The following SYNE1 variants were observed in gnomAD, a reference collection of about 807,000 sequenced individuals.
SYNE1 encodes nesprin-1.
In SYNE1, 616 loss-of-function variants were observed where a neutral mutation model predicts 1,111.0. The observed-to-expected ratio is 0.55, with a 90% CI of 0.52 to 0.59. The LOEUF (loss-of-function observed/expected upper bound fraction) is 0.59, where lower values mean the gene tolerates loss of function less well. Ranked by LOEUF, SYNE1 falls within the 20% of genes least tolerant of loss-of-function variation. SYNE1 has a pLI of 0.00. For missense variants in SYNE1, 10,006 were observed against 10,417.0 expected (o/e 0.96, Z 1.72); for synonymous variants, 3,855 against 3,825.8 (o/e 1.01, Z -0.28).
chr6:152,358,984 G>C (rs2096885927), intron 65 of SYNE1, among the ~76,000 whole-genome samples: 1 of 152,176 alleles, frequency 6.6e-6, no homozygotes, highest in South Asian at 2.1e-4. Flanking sequence ...AATACTATCA[G>C]TGATTATTTC....
intron 135 of SYNE1, among the ~76,000 whole-genome samples, chr6:152,150,671 A>T (rs887143848): frequency 3.9e-5 from 6 of 152,224 alleles, no homozygotes; most frequent in Admixed American, 6.5e-5. Flanking sequence ...TCAATTTGTT[A>T]AATACTCCCA....
At chr6:152,399,861 C>A (rs375102408) in intron 47 of SYNE1, 38 bp from the exon 48 acceptor site, 1 of 1,589,634 alleles carries the variant, frequency 6.3e-7, no homozygotes, top group Non-Finnish European at 8.6e-7. Flanking sequence ...ATATTCATAA[C>A]TTGAGAGAAA....
chr6:152,137,739 T>C (rs969147318), intron 140 of SYNE1, among the ~76,000 whole-genome samples: 1 of 152,214 alleles, frequency 6.6e-6, no homozygotes, highest in Non-Finnish European at 1.5e-5. Context: ...CAATCTGTCT[T>C]GATTTTGCAC....
chr6:152,369,870 CT>C (rs1247307616), intron 59 of SYNE1, among the ~76,000 whole-genome samples: 1 of 149,916 alleles, frequency 6.7e-6, no homozygotes, highest in Non-Finnish European at 1.5e-5. Context: ...GTAATCTCAG[CT>C]ACTCAGGAGT....
chr6:152,376,886 T>C lies in SYNE1; in HGVS notation c.9036A>G (p.Ala3012=). 6.2e-7 allele frequency: 1 copy of C among 1,614,078 alleles called. No individual in the cohort carries two copies. The highest frequency in any genetic ancestry group is 8.5e-7 in the Non-Finnish European group (1 of 1,180,016). ...ACTTGAGATCCTCTGTTCTAGGCTC[T>C]GCTTTTTGCAAAGCATCCAGTATCT... ...GQEILDALQK[A]EPRTEDLKSQ... The change falls in exon 57 of 146, where the codon GCA becomes GCG. Residue 3012 remains alanine, a synonymous_variant. Transcript: ENST00000367255.
rs201752079 is a variant in SYNE1, at chr6:152,451,134, G to A, written c.3099C>T (p.Ala1033=). 3.6e-5 allele frequency: 58 copies of A among 1,613,940 alleles called. No homozygotes were observed. The highest frequency in any genetic ancestry group is 4.7e-5 in the Non-Finnish European group (55 of 1,179,996). The change falls in exon 26 of 146, where the codon GCC becomes GCT. Residue 1033 remains alanine (A), a synonymous_variant. Coordinates refer to ENST00000367255, the MANE Select transcript of SYNE1 (RefSeq NM_182961.4). ...KIDVEKNRFL[A]SVEECRTELD... is the part of the protein sequence containing the mutation. ...GCTCAGTTCTGCATTCTTCTACAGA[G>A]GCTAAGAACCTATTCTTCTCCACAT...
Position 152,331,487 on chromosome 6 carries a change from G to A in SYNE1, c.13198C>T (p.Leu4400Phe). The A allele has an allele frequency of 6.2e-7, 1 of 1,614,088 alleles. No individual in the cohort carries two copies. The highest frequency in any genetic ancestry group is 8.5e-7 in the Non-Finnish European group (1 of 1,179,982). The part of the protein sequence containing the change: ...ICSELEAKQM[L>F]LKSLIKDADR... Reference sequence around the variant, plus strand: ...GCGTCCTTTATAAGCGATTTCAGGAGCATCTGCTTGGCCTCCAGTTCACTG... The same window carrying A: ...GCGTCCTTTATAAGCGATTTCAGGAACATCTGCTTGGCCTCCAGTTCACTG... Residue 4400 changes from leucine to phenylalanine, a missense_variant, in exon 78 of 146, where the codon CTC becomes TTC. Leu to Phe is a conservative substitution (Grantham distance 22). Around this residue, in one of 7 missense-constraint regions of SYNE1, gnomAD observed 4,955 missense variants for 5,017.2 expected, o/e 0.99. Transcript: ENST00000367255.
At chr6:152,298,070 A>C (rs908197856) in intron 93 of SYNE1, among the ~76,000 whole-genome samples, 23 of 152,250 alleles carry the variant, frequency 1.5e-4, no homozygotes, top group African/African-American at 4.1e-4. Context: ...ACTTATGAGT[A>C]GATTCCTAAG....
intron 91 of SYNE1, among the ~76,000 whole-genome samples, chr6:152,306,827 A>C (rs1408751160): frequency 6.6e-6 from 1 of 151,232 alleles, no homozygotes; most frequent in Non-Finnish European, 1.5e-5. Flanking sequence ...TACAGACTGC[A>C]ATAAGCCATG....
chr6:152,183,071 C>T (rs1290041617), intron 128 of SYNE1, among the ~76,000 whole-genome samples: 1 of 152,140 alleles, frequency 6.6e-6, no homozygotes, highest in Non-Finnish European at 1.5e-5. Context: ...TGTCACTTTA[C>T]ACCATACCCC....
Position 152,130,882 on chromosome 6 carries a change from T to C in SYNE1, c.26095-104A>G. On this transcript the variant is annotated intron_variant, in intron 144 of 145. Coordinates refer to ENST00000367255, the MANE Select transcript of SYNE1 (RefSeq NM_182961.4). ...AACTAAAAGTGCAGCAAAGGAAAAA[T>C]AAATCAAATGAAATGATCAGTACCC... 3 of 1,200,872 alleles carry C rather than the reference T, an allele frequency of 2.5e-6. 1 individual carries two copies. The South Asian group carries it at 3.9e-5, about 16-fold the overall frequency. The allele number at this position is 1,200,872 out of a possible 1,614,324, so 74.4% of individuals were successfully genotyped here. A position where few individuals can be genotyped will look rare whatever the true frequency, so the allele number is the denominator to read the frequency against.
At chr6:152,198,763 G>A (rs2153339032) in intron 127 of SYNE1, among the ~76,000 whole-genome samples, 1 of 152,244 alleles carries the variant, frequency 6.6e-6, no homozygotes, top group Non-Finnish European at 1.5e-5. Flanking sequence ...AATTAAGATT[G>A]CTGACTTCTA....
Position 152,263,338 on chromosome 6 carries a change from T to C in SYNE1, c.18816-1150A>G, listed in dbSNP as rs76114633. Among the ~76,000 whole-genome samples, 493 of 152,150 alleles carry C rather than the reference T, an allele frequency of 3.2e-3. 4 individuals are homozygous for C. Among genetic ancestry groups the C allele is most frequent in the East Asian group, 0.017 (89 of 5,172 alleles). ...GAGATATGGGAGGAAGGCCCTGCAGTGTCATCCTTAAAGGTAGGCAGCAAT... is the reference window on the plus strand; with the variant it reads ...GAGATATGGGAGGAAGGCCCTGCAGCGTCATCCTTAAAGGTAGGCAGCAAT... On this transcript the variant is annotated intron_variant, in intron 100 of 145. Transcript: ENST00000367255.
rs369464053 is a variant in SYNE1, at chr6:152,233,710, C to A, written c.20712+71G>T. 7.6e-6 allele frequency: 12 copies of A among 1,584,476 alleles called. No homozygotes were observed. The African/African-American group carries it at 9.4e-5, about 12-fold the overall frequency. On this transcript the variant is annotated intron_variant, in intron 112 of 145. Coordinates refer to ENST00000367255, the MANE Select transcript of SYNE1 (RefSeq NM_182961.4). ...GCTGATATAAATTTGTGAGCAAAAG[C>A]AAATTAATGTATTTCTCCATGTCAA...
At chr6:152,562,428 C>T (rs889170183) in intron 3 of SYNE1, among the ~76,000 whole-genome samples, 1 of 152,050 alleles carries the variant, frequency 6.6e-6, no homozygotes, top group Non-Finnish European at 1.5e-5. Context: ...GAAAAGGGAA[C>T]CCTTGGACAT....
intron 128 of SYNE1, 31 bp downstream of exon 128, chr6:152,189,221 A>G: frequency 1.2e-6 from 2 of 1,611,838 alleles, no homozygotes; most frequent in Non-Finnish European, 1.7e-6. Context: ...TTCCATCATC[A>G]AGATAATTCC....
At position 152,135,106 on chromosome 6, in the gene SYNE1, T is replaced by C. The variant is rs746864807; in HGVS notation, c.25786A>G (p.Met8596Val). ...CTGCCAGAGTTCACACATCTTACCA[T>C]AAGCTGTTTGTGATGGTCCTGAAGT... is the stretch of plus-strand genomic sequence containing the variant. ...EILQDHHKQLMQIKHELLESQ... is the reference protein window; with the variant it reads ...EILQDHHKQLVQIKHELLESQ... The change falls in exon 142 of 146, where the codon ATG (methionine) becomes GTG (valine). Residue 8596 changes from methionine to valine, a missense_variant and splice_region_variant. By Grantham distance (21) the Met-to-Val change is conservative (BLOSUM62 1). Transcript: ENST00000367255. The C allele has an allele frequency of 1.1e-4, 184 of 1,614,004 alleles. 1 individual carries two copies. The highest frequency in any genetic ancestry group is 1.5e-4 in the Non-Finnish European group (175 of 1,180,008).
chr6:152,503,981 C>T (rs1333369353), intron 9 of SYNE1, among the ~76,000 whole-genome samples: 1 of 151,948 alleles, frequency 6.6e-6, no homozygotes, highest in African/African-American at 2.4e-5. Flanking sequence ...GGGAAGTTCT[C>T]ATTAAGAAAT....
At chr6:152,124,570 T>C (rs1007459087) in intron 145 of SYNE1, among the ~76,000 whole-genome samples, 2 of 152,216 alleles carry the variant, frequency 1.3e-5, no homozygotes, top group African/African-American at 4.8e-5. Flanking sequence ...TGTTTTTGTC[T>C]TCTACTGATT....
Sources: gnomAD v4.1 joint callset for allele counts (sites outside exome capture counted in the v4.1 genomes callset) on GRCh38, gnomAD v4.1.1 for gene constraint, gnomAD v4.1.1 regional missense constraint, MANE v1.5 for transcripts, NCBI Gene and HGNC (gene_info 2026-07-23, HGNC 2026-07-21) for gene names.